HOMER2: variants seen among roughly 807,000 people sequenced by gnomAD.
HOMER2 encodes homer scaffold protein 2.
A neutral mutation model predicts 47.0 loss-of-function variants in HOMER2; 27 were observed. That is an observed-to-expected ratio of 0.57 (90% CI 0.42 to 0.79). The LOEUF (loss-of-function observed/expected upper bound fraction) is 0.79. HOMER2 is among the 30% of genes least tolerant of loss of function. The probability of loss-of-function intolerance (pLI) is 0.00; values close to 1 mark genes in which losing one functional copy is unlikely to be tolerated. For missense variants in HOMER2, 443 were observed against 435.0 expected, an observed-to-expected ratio of 1.02 and a Z score of -0.16; for synonymous variants, 161 against 163.8, an observed-to-expected ratio of 0.98 and a Z score of 0.13.
chr15:82,835,252 G>C (rs1045035232), downstream of HOMER2: 1 of 152,078 alleles, frequency 6.6e-6, no homozygotes, highest in Non-Finnish European at 1.5e-5. Flanking sequence ...TCAGCCTCTC[G>C]AGTAGCTGGG....
intron 2 of HOMER2, among the ~76,000 whole-genome samples, chr15:82,882,134 G>C (rs2052539450): frequency 1.3e-5 from 2 of 152,222 alleles, no homozygotes; most frequent in African/African-American, 2.4e-5. Flanking sequence ...TTATAGCAGT[G>C]CTCTGAGAAG....
At chr15:82,910,111 T>C in intron 1 of HOMER2, among the ~76,000 whole-genome samples, 1 of 105,428 alleles carries the variant, frequency 9.5e-6, no homozygotes, top group African/African-American at 3.9e-5. Context: ...CCAGCCTGGG[T>C]AACAGAGCAA....
chr15:82,969,199 T>C (rs938609935), intron 1 of HOMER2, among the ~76,000 whole-genome samples: 4 of 152,216 alleles, frequency 2.6e-5, no homozygotes, highest in African/African-American at 9.6e-5. Context: ...GCCTACTGCA[T>C]GGCAAGAGTC....
At chr15:82,936,844 T>C (rs967462877) in intron 1 of HOMER2, among the ~76,000 whole-genome samples, 2 of 152,120 alleles carry the variant, frequency 1.3e-5, no homozygotes, top group Admixed American at 6.6e-5. Flanking sequence ...TGAGCCACCA[T>C]GCCTGGCCAG....
intron 1 of HOMER2, among the ~76,000 whole-genome samples, chr15:82,897,255 G>A (rs542189352): frequency 1.1e-4 from 17 of 151,808 alleles, no homozygotes; most frequent in Admixed American, 4.6e-4. Context: ...TAGTAGAGAC[G>A]GGGTTTCACC....
At chr15:82,931,635 G>A (rs527682600) in intron 1 of HOMER2, among the ~76,000 whole-genome samples, 31 of 151,168 alleles carry the variant, frequency 2.1e-4, no homozygotes, top group Non-Finnish European at 4.3e-4. Flanking sequence ...TCAGGAGATC[G>A]AGACCATCCT....
chr15:82,954,142 C>T (rs1467970498), upstream of HOMER2, among the ~76,000 whole-genome samples: 1 of 152,078 alleles, frequency 6.6e-6, no homozygotes, highest in Non-Finnish European at 1.5e-5. Flanking sequence ...GTTTCCAAAT[C>T]CTCCATGCAT....
chr15:82,900,011 G>A (rs1213759165), intron 1 of HOMER2, among the ~76,000 whole-genome samples: 1 of 152,220 alleles, frequency 6.6e-6, no homozygotes, highest in East Asian at 1.9e-4. Flanking sequence ...AACACAGTAG[G>A]TGAGACTCCA....
exon 2 of HOMER2, chr15:82,840,876 TATA>T (rs2051169963): frequency 6.6e-6 from 1 of 151,870 alleles, no homozygotes; most frequent in African/African-American, 2.4e-5. Flanking sequence ...TCATACATGT[TATA>T]AAAACTTCAA....
intron 1 of HOMER2, among the ~76,000 whole-genome samples, chr15:82,962,691 G>A (rs2054641952): frequency 6.6e-6 from 1 of 152,004 alleles, no homozygotes; most frequent in Non-Finnish European, 1.5e-5. Flanking sequence ...AAAAAAGTCC[G>A]GGAAGTGGGG....
intron 2 of HOMER2, among the ~76,000 whole-genome samples, chr15:82,878,337 C>T (rs779765059): frequency 6.6e-5 from 10 of 152,070 alleles, no homozygotes; most frequent in Non-Finnish European, 1.3e-4. Context: ...CAGTCTTTAA[C>T]CCCCATTTTT....
chr15:82,872,505 C>A (rs2052210349), intron 3 of HOMER2, among the ~76,000 whole-genome samples: 2 of 152,194 alleles, frequency 1.3e-5, no homozygotes, highest in Non-Finnish European at 2.9e-5. Flanking sequence ...ACCTAAAATG[C>A]ATCTGAGCAT....
intron 1 of HOMER2, among the ~76,000 whole-genome samples, chr15:82,921,516 T>C (rs1294856910): frequency 2.0e-5 from 3 of 152,194 alleles, no homozygotes; most frequent in East Asian, 3.9e-4. Context: ...AGGAAGACTT[T>C]ATTCTAGAAT....
chr15:82,928,694 AC>A, intron 1 of HOMER2, among the ~76,000 whole-genome samples: 1 of 152,074 alleles, frequency 6.6e-6, no homozygotes, highest in South Asian at 2.1e-4. Flanking sequence ...AAATTAAACA[AC>A]CGATTTTTGT....
chr15:82,948,796 A>C (rs2054438038), intron 1 of HOMER2, among the ~76,000 whole-genome samples: 1 of 152,250 alleles, frequency 6.6e-6, no homozygotes, highest in African/African-American at 2.4e-5. Flanking sequence ...GCAGCATGGC[A>C]GGGGGAGCTG....
At chr15:82,970,601 G>C (rs1389891382) in intron 1 of HOMER2, among the ~76,000 whole-genome samples, 1 of 152,158 alleles carries the variant, frequency 6.6e-6, no homozygotes, top group Non-Finnish European at 1.5e-5. Context: ...AGTTGTGTTT[G>C]CTATTATTAC....
chr15:82,910,417 T>G (rs1045816163), intron 1 of HOMER2, among the ~76,000 whole-genome samples: 2 of 152,150 alleles, frequency 1.3e-5, no homozygotes, highest in Non-Finnish European at 1.5e-5. Context: ...GATTTTTCCT[T>G]AGGGGTATTT....
chr15:82,850,823 C>T (rs1003492396), intron 8 of HOMER2, among the ~76,000 whole-genome samples: 3 of 152,186 alleles, frequency 2.0e-5, no homozygotes, highest in Admixed American at 1.3e-4. Context: ...GCTGAAGTGG[C>T]CCCACACCCT....
At chr15:82,938,916 C>T (rs2054200213) in intron 1 of HOMER2, among the ~76,000 whole-genome samples, 2 of 152,174 alleles carry the variant, frequency 1.3e-5, no homozygotes, top group South Asian at 2.1e-4. Flanking sequence ...TCCAGCCTTC[C>T]TCTGAGTCTC....
Sources: gnomAD v4.1 joint callset for allele counts (sites outside exome capture counted in the v4.1 genomes callset) on GRCh38, gnomAD v4.1.1 for gene constraint, MANE v1.5 for transcripts, NCBI Gene and HGNC (gene_info 2026-07-23, HGNC 2026-07-21) for gene names.